The following DHX33 variants were observed in gnomAD, a reference collection of about 807,000 sequenced individuals.
The protein encoded by DHX33 is DEAH-box helicase 33.
A neutral mutation model predicts 72.5 loss-of-function variants in DHX33; 42 were observed. That is an observed-to-expected ratio of 0.58 (90% CI 0.45 to 0.75). The LOEUF is 0.75. DHX33 is among the 30% of genes least tolerant of loss of function. DHX33 has a pLI of 0.00. For missense variants in DHX33, 842 were observed against 917.5 expected (o/e 0.92, Z 1.06); for synonymous variants, 358 against 366.1 (o/e 0.98, Z 0.25).
intron 4 of DHX33, among the ~76,000 whole-genome samples, chr17:5,457,576 C>T (rs1166140545): frequency 7.4e-6 from 1 of 134,732 alleles, no homozygotes; most frequent in Non-Finnish European, 1.5e-5. Flanking sequence ...CACTGCACTC[C>T]AGCCTGGGCG....
intron 10 of DHX33, 57 bp downstream of exon 10, chr17:5,450,146 A>C: frequency 6.3e-7 from 1 of 1,591,728 alleles, no homozygotes; most frequent in Non-Finnish European, 8.6e-7. Flanking sequence ...GAAAAAGGGA[A>C]GCACATAGCA....
At chr17:5,465,085 T>C (rs1904816507) in intron 1 of DHX33, among the ~76,000 whole-genome samples, 1 of 152,204 alleles carries the variant, frequency 6.6e-6, no homozygotes, top group African/African-American at 2.4e-5. Flanking sequence ...TGTACTTGAG[T>C]ATTTTGCATA....
intron 10 of DHX33, among the ~76,000 whole-genome samples, chr17:5,449,806 T>C (rs1916812765): frequency 6.6e-6 from 1 of 152,220 alleles, no homozygotes; most frequent in Non-Finnish European, 1.5e-5. Context: ...TAAAAAATAA[T>C]AATTATAGTG....
In DHX33 at chr17:5,442,894, T is replaced by C. The variant is rs199589198; in HGVS notation, c.*1311A>G. Reference sequence around the variant, plus strand: ...GTTAGTGCCTTTTCTCTGCTCAGAATATCAGAACAGGAACAGACTGTGGAT... The same window carrying C: ...GTTAGTGCCTTTTCTCTGCTCAGAACATCAGAACAGGAACAGACTGTGGAT... On this transcript the variant is annotated 3_prime_UTR_variant, in exon 12 of 12. Coordinates refer to ENST00000225296, the MANE Select transcript of DHX33 (RefSeq NM_020162.4). The C allele has an allele frequency of 3.3e-5, 5 of 152,312 alleles. No individual in the cohort carries two copies. In the East Asian group the frequency reaches 7.7e-4, roughly 23 times the overall value. The allele number at this position is 152,312 out of a possible 1,614,324, so 9.4% of individuals were successfully genotyped here. A position where few individuals can be genotyped will look rare whatever the true frequency, so the allele number is the denominator to read the frequency against.
rs1916570072 is a variant in DHX33, at chr17:5,444,556, A to G, written c.1816-43T>C. On this transcript the variant is annotated intron_variant, in intron 11 of 11. Coordinates refer to ENST00000225296, the MANE Select transcript of DHX33 (RefSeq NM_020162.4). The surrounding 1 kb of genome is among the most constrained non-coding windows in gnomAD (Gnocchi z 4.9). ...GAGGAATGGAGCCGACCCCACACGT[A>G]AACACTGGTCAGCACTACACAGCGT... is the stretch of plus-strand genomic sequence containing the variant. 1 of 1,585,584 alleles carries G rather than the reference A, an allele frequency of 6.3e-7. No homozygotes were observed. Among genetic ancestry groups the G allele is most frequent in the Admixed American group, 1.7e-5 (1 of 58,766 alleles).
rs1463005801 is a variant in DHX33 at position 5,442,708 on chromosome 17, TTA to T, written c.*1495_*1496del. On this transcript the variant is annotated 3_prime_UTR_variant, in exon 12 of 12. Coordinates refer to ENST00000225296, the MANE Select transcript of DHX33 (RefSeq NM_020162.4). ...GCCTCTTGGGCAGCTTGGCCCCTGGTTATAACTATGATTCATTCATTAAGAAA... is the reference window on the plus strand; with the variant it reads ...GCCTCTTGGGCAGCTTGGCCCCTGGTTAACTATGATTCATTCATTAAGAAA... 3 of 152,190 alleles carry T rather than the reference TTA, an allele frequency of 2.0e-5. No homozygotes were observed. In the East Asian group the frequency reaches 5.8e-4, roughly 29 times the overall value. 9.4% of individuals were successfully genotyped at this position (152,190 alleles called of 1,614,324 possible). A position where few individuals can be genotyped will look rare whatever the true frequency, so the allele number is the denominator to read the frequency against.
rs149606371 is a variant in DHX33 at position 5,454,240 on chromosome 17, G to A, written c.1148-260C>T. ...TCACGCATGCAGCAAGGGGCGAGAA[G>A]AGTAGTTTCCGAGGTCTTGCCTTAG... is the stretch of plus-strand genomic sequence containing the variant. On this transcript the variant is annotated intron_variant, in intron 6 of 11. Coordinates refer to ENST00000225296, the MANE Select transcript of DHX33 (RefSeq NM_020162.4). 2.6e-5 allele frequency among the ~76,000 whole-genome samples: 4 copies of A among 152,302 alleles called. No homozygotes were observed. In the East Asian group the frequency reaches 7.7e-4, roughly 29 times the overall value.
In DHX33 at chr17:5,444,389, TG is replaced by T; in HGVS notation, c.1939del (p.His647ThrfsTer39). ...PDGTYATTDTHQPVAIHPSSV... is the reference protein window; with the variant it reads ...PDGTYATTDTXQPVAIHPSSV... ...CGACGGGTGGATGGCCACTGGCTGG[TG>T]GGTGTCCGTGGTGGCATAGGTGCCA... On this transcript the variant is annotated frameshift_variant, in exon 12 of 12. Transcript: ENST00000225296. LOFTEE classifies it high-confidence loss of function. This position sits in a 1 kb window ranked among gnomAD's most constrained non-coding sequence, Gnocchi z 4.9. 1 of 1,613,672 alleles carries T rather than the reference TG, an allele frequency of 6.2e-7. No individual in the cohort carries two copies. Among genetic ancestry groups the T allele is most frequent in the Non-Finnish European group, 8.5e-7 (1 of 1,179,966 alleles).
At position 5,468,884 on chromosome 17, in the gene DHX33, G is replaced by C; in HGVS notation, c.-25C>G. 6.5e-7 allele frequency: 1 copy of C among 1,548,838 alleles called. No homozygotes were observed. The highest frequency in any genetic ancestry group is 1.2e-5 in the South Asian group (1 of 84,098). On this transcript the variant is annotated 5_prime_UTR_variant, in exon 1 of 12. Transcript: ENST00000225296. ...TGTCGGGAGGGCACCGCGGCGGGAG[G>C]CGCAAGCGCCGAGAGCTCCTGCCCC... is the stretch of plus-strand genomic sequence containing the variant.
intron 2 of DHX33, among the ~76,000 whole-genome samples, chr17:5,463,052 C>T (rs1195440842): frequency 6.6e-6 from 1 of 151,784 alleles, no homozygotes; most frequent in Non-Finnish European, 1.5e-5. Context: ...GCACCTCAGC[C>T]TGGGCGACCG....
Position 5,468,821 on chromosome 17 carries a change from G to A in DHX33, c.39C>T (p.Phe13=), listed in dbSNP as rs1032946405. The change falls in exon 1 of 12, where the codon TTC becomes TTT. Residue 13 remains phenylalanine (F), a synonymous_variant. Coordinates refer to ENST00000225296, the MANE Select transcript of DHX33 (RefSeq NM_020162.4). ...EEAGFPPAKR[F]RPGSGPPSRA... ...GGCTCGGAGGTCCAGAGCCTGGCCG[G>A]AATCTCTTGGCCGGCGGGAAGCCCG... 1 of 1,578,120 alleles carries A rather than the reference G, an allele frequency of 6.3e-7. No individual in the cohort carries two copies. The highest frequency in any genetic ancestry group is 8.6e-7 in the Non-Finnish European group (1 of 1,162,700).
intron 7 of DHX33, 25 bp from the exon 8 acceptor site, chr17:5,453,693 C>A (rs1567599736): frequency 1.9e-6 from 3 of 1,613,482 alleles, no homozygotes; most frequent in South Asian, 2.2e-5. Context: ...AGACCAGGGT[C>A]ATGACCTGAT....
chr17:5,444,527 A>G lies in DHX33; in HGVS notation c.1816-14T>C. ...TGGCATTGACATCTGTTTCGGGAGAAAGCGAGGAATGGAGCCGACCCCACA... is the reference window on the plus strand; with the variant it reads ...TGGCATTGACATCTGTTTCGGGAGAGAGCGAGGAATGGAGCCGACCCCACA... On this transcript the variant is annotated splice_polypyrimidine_tract_variant and intron_variant, in intron 11 of 11. Transcript: ENST00000225296. This position sits in a 1 kb window ranked among gnomAD's most constrained non-coding sequence, Gnocchi z 4.9. 1.9e-6 allele frequency: 3 copies of G among 1,610,242 alleles called. No individual in the cohort carries two copies. The highest frequency in any genetic ancestry group is 2.5e-6 in the Non-Finnish European group (3 of 1,177,706).
At chr17:5,463,210 T>G (rs932719398) in intron 2 of DHX33, among the ~76,000 whole-genome samples, 4 of 152,218 alleles carry the variant, frequency 2.6e-5, no homozygotes, top group African/African-American at 9.6e-5. Context: ...TTCTCAATAC[T>G]CACATATACA....
At chr17:5,448,949 C>A in intron 10 of DHX33, 54 bp from the exon 11 acceptor site, 1 of 1,431,418 alleles carries the variant, frequency 7.0e-7, no homozygotes, top group South Asian at 1.2e-5. Flanking sequence ...TTTATATGTT[C>A]ACAGAGACGG....
intron 2 of DHX33, 31 bp downstream of exon 2, chr17:5,463,498 A>T: frequency 1.2e-6 from 2 of 1,607,500 alleles, no homozygotes; most frequent in Non-Finnish European, 1.7e-6. Context: ...TTGAGTCAAG[A>T]AGTACTAATA....
At chr17:5,466,391 C>G (rs1197879137) in intron 1 of DHX33, among the ~76,000 whole-genome samples, 1 of 152,050 alleles carries the variant, frequency 6.6e-6, no homozygotes, top group Non-Finnish European at 1.5e-5. Flanking sequence ...CCACACATAA[C>G]CCCATCCTAA....
chr17:5,447,136 T>C (rs1424577810), intron 11 of DHX33, among the ~76,000 whole-genome samples: 1 of 152,198 alleles, frequency 6.6e-6, no homozygotes, highest in Non-Finnish European at 1.5e-5. Context: ...ATCTCTGACA[T>C]AAAATGTGGA....
rs1388274462 is a variant in DHX33 at position 5,442,697 on chromosome 17, TTGGCCCC to T, written c.*1501_*1507del. On this transcript the variant is annotated 3_prime_UTR_variant, in exon 12 of 12. Transcript: ENST00000225296. ...ATCTCTGAAGAGCCTCTTGGGCAGC[TTGGCCCC>T]TGGTTATAACTATGATTCATTCATT... is the stretch of plus-strand genomic sequence containing the variant. 1 of 152,226 alleles carries T rather than the reference TTGGCCCC, an allele frequency of 6.6e-6. No individual in the cohort carries two copies. Among genetic ancestry groups the T allele is most frequent in the African/African-American group, 2.4e-5 (1 of 41,462 alleles). The allele number at this position is 152,226 out of a possible 1,614,324, so 9.4% of individuals were successfully genotyped here.
Sources: gnomAD v4.1 joint callset for allele counts (sites outside exome capture counted in the v4.1 genomes callset) on GRCh38, gnomAD v4.1.1 for gene constraint, Gnocchi (gnomAD v3.1) non-coding constraint, MANE v1.5 for transcripts, NCBI Gene and HGNC (gene_info 2026-07-23, HGNC 2026-07-21) for gene names.